GRXCR1: variants seen among roughly 807,000 people sequenced by gnomAD.
GRXCR1 encodes the protein glutaredoxin domain-containing cysteine-rich protein 1.
A neutral mutation model predicts 27.3 loss-of-function variants in GRXCR1; 27 were observed. That is an observed-to-expected ratio of 0.99 (90% CI 0.73 to 1.37). The LOEUF (loss-of-function observed/expected upper bound fraction) is 1.37, where lower values mean the gene tolerates loss of function less well. Among genes scored for constraint, GRXCR1 ranks in the 40% most tolerant of loss-of-function variants. The probability of loss-of-function intolerance (pLI) is 0.00; values close to 1 mark genes in which losing one functional copy is unlikely to be tolerated. For missense variants in GRXCR1, 379 were observed against 354.4 expected (o/e 1.07, Z -0.56); for synonymous variants, 122 against 131.1 (o/e 0.93, Z 0.47).
At chr4:42,903,314 T>C (rs1173462321) in intron 1 of GRXCR1, among the ~76,000 whole-genome samples, 2 of 123,600 alleles carry the variant, frequency 1.6e-5, no homozygotes, top group Non-Finnish European at 1.7e-5. Flanking sequence ...GTAGATTTTT[T>C]TTTTTTTTTT....
intron 2 of GRXCR1, among the ~76,000 whole-genome samples, chr4:42,968,309 A>G (rs1748297104): frequency 6.6e-6 from 1 of 152,158 alleles, no homozygotes; most frequent in Admixed American, 6.6e-5. Context: ...CCAATATTAT[A>G]AAATCAAAGG....
At chr4:42,963,723 T>C (rs189189234) in intron 2 of GRXCR1, among the ~76,000 whole-genome samples, 4 of 152,084 alleles carry the variant, frequency 2.6e-5, no homozygotes, top group Non-Finnish European at 4.4e-5. Context: ...CTTTGAATAA[T>C]ATTGTTAGTG....
rs745784596 is a variant in GRXCR1, at chr4:42,990,173, C to CTTTTTTT, written c.627+27069_627+27075dup. Among the ~76,000 whole-genome samples the CTTTTTTT allele has an allele frequency of 4.3e-5, 2 of 46,230 alleles. 1 individual carries two copies. Among genetic ancestry groups the CTTTTTTT allele is most frequent in the East Asian group, 1.6e-3 (2 of 1,284 alleles). The allele number at this position is 46,230 out of a possible 152,430, so 30.3% of individuals were successfully genotyped here. ...AACTTCTTGAATTGAATTATTAGTT[C>CTTTTTTT]TTTTTTTTTTTTTTTTTTTTTTTTT... On this transcript the variant is annotated intron_variant, in intron 2 of 3. Coordinates refer to ENST00000399770, the MANE Select transcript of GRXCR1 (RefSeq NM_001080476.3).
At chr4:42,988,166 A>C in intron 2 of GRXCR1, among the ~76,000 whole-genome samples, 1 of 152,188 alleles carries the variant, frequency 6.6e-6, no homozygotes, top group East Asian at 1.9e-4. Flanking sequence ...CTTGGCAGCA[A>C]TGATACTTGC....
intron 1 of GRXCR1, among the ~76,000 whole-genome samples, chr4:42,896,778 A>C (rs546637839): frequency 6.6e-6 from 1 of 152,254 alleles, no homozygotes; most frequent in Non-Finnish European, 1.5e-5. Context: ...TTATCTCTTC[A>C]ATATTTAATA....
chr4:42,985,254 A>G (rs867651860), intron 2 of GRXCR1, among the ~76,000 whole-genome samples: 1 of 152,304 alleles, frequency 6.6e-6, no homozygotes, highest in Middle Eastern at 3.4e-3. Flanking sequence ...CTATATTTAA[A>G]ATTAAATGTA....
intron 1 of GRXCR1, among the ~76,000 whole-genome samples, chr4:42,903,829 G>C (rs1300359050): frequency 7.8e-6 from 1 of 127,820 alleles, no homozygotes; most frequent in Non-Finnish European, 1.7e-5. Flanking sequence ...CCTCCCAAAA[G>C]GCCTTGGTGG....
At chr4:42,955,177 G>A (rs1220859092) in intron 1 of GRXCR1, among the ~76,000 whole-genome samples, 2 of 152,016 alleles carry the variant, frequency 1.3e-5, no homozygotes, top group Non-Finnish European at 2.9e-5. Flanking sequence ...CTACTGACGT[G>A]CTGTATTGCT....
chr4:43,014,142 A>T lies in GRXCR1; in HGVS notation c.628-6212A>T, dbSNP rs117106535. Among the ~76,000 whole-genome samples the T allele has an allele frequency of 5.3e-5, 8 of 151,626 alleles. No individual in the cohort carries two copies. The East Asian group carries it at 1.4e-3, about 26-fold the overall frequency. On this transcript the variant is annotated intron_variant, in intron 2 of 3. Transcript: ENST00000399770. ...ATACAGAAAAACCACGCTCTTTAGGATGAGATTATCCACAGGAGCCTTTAC... is the reference window on the plus strand; with the variant it reads ...ATACAGAAAAACCACGCTCTTTAGGTTGAGATTATCCACAGGAGCCTTTAC...
At chr4:42,951,376 C>A (rs534250950) in intron 1 of GRXCR1, among the ~76,000 whole-genome samples, 4 of 152,274 alleles carry the variant, frequency 2.6e-5, no homozygotes, top group African/African-American at 9.6e-5. Context: ...TGAGCATCCC[C>A]TAGCCAAGTC....
chr4:42,914,273 G>A (rs538315300), intron 1 of GRXCR1, among the ~76,000 whole-genome samples: 7 of 152,256 alleles, frequency 4.6e-5, no homozygotes, highest in African/African-American at 1.7e-4. Flanking sequence ...AGCTGGGAGG[G>A]GGGCTGTATC....
chr4:43,029,488 C>T (rs371153365), intron 3 of GRXCR1, among the ~76,000 whole-genome samples: 48 of 152,230 alleles, frequency 3.2e-4, no homozygotes, highest in African/African-American at 1.1e-3. Flanking sequence ...TGTAATGGCA[C>T]CTAATCTCCC....
At chr4:42,980,800 T>A (rs2109784631) in intron 2 of GRXCR1, among the ~76,000 whole-genome samples, 1 of 152,214 alleles carries the variant, frequency 6.6e-6, no homozygotes, top group Admixed American at 6.5e-5. Context: ...TTTGCTTATA[T>A]ATTTAGATGC....
chr4:42,906,154 G>A (rs1746584900), intron 1 of GRXCR1, among the ~76,000 whole-genome samples: 1 of 151,928 alleles, frequency 6.6e-6, no homozygotes, highest in Admixed American at 6.6e-5. Flanking sequence ...GACAACTTTG[G>A]ATACCTCAAA....
intron 1 of GRXCR1, among the ~76,000 whole-genome samples, chr4:42,898,553 A>G (rs977288324): frequency 2.4e-4 from 36 of 152,218 alleles, no homozygotes; most frequent in African/African-American, 7.5e-4. Context: ...ACAAGGTGAT[A>G]TTCTTGATGA....
intron 2 of GRXCR1, among the ~76,000 whole-genome samples, chr4:42,984,552 A>C (rs1711620489): frequency 6.6e-6 from 1 of 152,214 alleles, no homozygotes; most frequent in South Asian, 2.1e-4. Flanking sequence ...TAGCCCTTCA[A>C]CAGTCAGCTC....
intron 2 of GRXCR1, among the ~76,000 whole-genome samples, chr4:43,002,881 T>A (rs1486614585): frequency 2.0e-5 from 3 of 152,162 alleles, no homozygotes; most frequent in Non-Finnish European, 4.4e-5. Flanking sequence ...TTCACCCAAA[T>A]CTCATGACAA....
chr4:42,895,574 A>G (rs1746329411), intron 1 of GRXCR1, among the ~76,000 whole-genome samples: 1 of 152,128 alleles, frequency 6.6e-6, no homozygotes, highest in African/African-American at 2.4e-5. Flanking sequence ...AGGAGTGGCT[A>G]CACTTGGATC....
At chr4:42,904,190 C>G (rs1372202386) in intron 1 of GRXCR1, among the ~76,000 whole-genome samples, 4 of 152,148 alleles carry the variant, frequency 2.6e-5, no homozygotes, top group Non-Finnish European at 5.9e-5. Flanking sequence ...ATCTTCATTG[C>G]TACTCCTTCA....
Sources: gnomAD v4.1 joint callset for allele counts (sites outside exome capture counted in the v4.1 genomes callset) on GRCh38, gnomAD v4.1.1 for gene constraint, MANE v1.5 for transcripts, NCBI Gene and HGNC (gene_info 2026-07-23, HGNC 2026-07-21) for gene names.